The following UGT2A2 variants were observed in gnomAD, a reference collection of about 807,000 sequenced individuals.
UGT2A2 encodes UDP-glucuronosyltransferase 2A2.
A neutral mutation model predicts 50.7 loss-of-function variants in UGT2A2; 60 were observed. That is an observed-to-expected ratio of 1.18 (90% CI 0.96 to 1.47). The LOEUF is 1.47. UGT2A2 is among the 40% of genes most tolerant of loss of function. UGT2A2 has a pLI of 0.00. For missense variants in UGT2A2, 762 were observed against 634.0 expected (o/e 1.20, Z -2.17); for synonymous variants, 242 against 214.6 (o/e 1.13, Z -1.11).
intron 5 of UGT2A2, among the ~76,000 whole-genome samples, chr4:69,594,077 C>G (rs1718759764): frequency 1.3e-5 from 2 of 151,272 alleles, no homozygotes; most frequent in Admixed American, 6.6e-5. Flanking sequence ...CGGGTTCACG[C>G]CATTCTCCTG....
chr4:69,628,629 G>T (rs923515733), intron 1 of UGT2A2, among the ~76,000 whole-genome samples: 1 of 150,182 alleles, frequency 6.7e-6, no homozygotes, highest in Non-Finnish European at 1.5e-5. Context: ...TTAGAAAACA[G>T]AACTTTTTTG....
At position 69,637,235 on chromosome 4, in the gene UGT2A2, A is replaced by G. The variant is rs905680260; in HGVS notation, c.742+1664T>C. 4.6e-5 allele frequency among the ~76,000 whole-genome samples: 7 copies of G among 152,188 alleles called. No homozygotes were observed. The East Asian group carries it at 1.3e-3, about 29-fold the overall frequency. ...GAACTATACTTGTAAAATTTTAGTT[A>G]TAGCATCTTCAAAAATAAACTCAAA... On this transcript the variant is annotated intron_variant, in intron 1 of 5. Transcript: ENST00000604629.
intron 5 of UGT2A2, among the ~76,000 whole-genome samples, chr4:69,590,154 G>A (rs566489491): frequency 1.1e-4 from 16 of 152,310 alleles, no homozygotes; most frequent in African/African-American, 3.8e-4. Flanking sequence ...GCACACATCT[G>A]TATGTTTGTG....
intron 1 of UGT2A2, among the ~76,000 whole-genome samples, chr4:69,616,748 T>A (rs1034733587): frequency 6.6e-6 from 1 of 151,602 alleles, no homozygotes; most frequent in Non-Finnish European, 1.5e-5. Context: ...CTATAAATCC[T>A]CCATTTAGTT....
intron 1 of UGT2A2, among the ~76,000 whole-genome samples, chr4:69,617,659 A>G (rs1409721138): frequency 6.6e-6 from 1 of 151,826 alleles, no homozygotes; most frequent in African/African-American, 2.4e-5. Flanking sequence ...TTTCATTAGC[A>G]ACATACAGGG....
intron 5 of UGT2A2, among the ~76,000 whole-genome samples, chr4:69,591,332 A>G (rs1035861476): frequency 1.3e-5 from 2 of 152,202 alleles, no homozygotes; most frequent in African/African-American, 4.8e-5. Context: ...TTTGGTTTAG[A>G]AAGGTGGGAC....
chr4:69,608,085 A>T (rs1577962607), intron 1 of UGT2A2, among the ~76,000 whole-genome samples: 1 of 152,300 alleles, frequency 6.6e-6, no homozygotes, highest in South Asian at 2.1e-4. Flanking sequence ...TACCCAAAGG[A>T]TCATAAATCA....
intron 2 of UGT2A2, 60 bp downstream of exon 2, chr4:69,599,185 TA>T (rs762725764): frequency 2.2e-4 from 339 of 1,520,652 alleles, no homozygotes; most frequent in Non-Finnish European, 2.8e-4. Flanking sequence ...CTATAAACTT[TA>T]AAAGAAAATT....
At chr4:69,633,486 T>C (rs965906134) in intron 1 of UGT2A2, among the ~76,000 whole-genome samples, 2 of 152,110 alleles carry the variant, frequency 1.3e-5, no homozygotes, top group Non-Finnish European at 2.9e-5. Flanking sequence ...TCACCAATAT[T>C]AGGTACAAGA....
At chr4:69,609,549 A>G (rs987627689) in intron 1 of UGT2A2, among the ~76,000 whole-genome samples, 1 of 152,146 alleles carries the variant, frequency 6.6e-6, no homozygotes, top group Non-Finnish European at 1.5e-5. Context: ...ACAACTGTTA[A>G]TAAAAGTCAG....
chr4:69,632,310 G>A (rs1358968250), intron 1 of UGT2A2, among the ~76,000 whole-genome samples: 1 of 152,100 alleles, frequency 6.6e-6, no homozygotes. Flanking sequence ...GGGTTAATAA[G>A]GGGTCTGCAT....
chr4:69,599,287 C>A lies in UGT2A2; in HGVS notation c.850G>T (p.Val284Phe), dbSNP rs147574641. 5.0e-6 allele frequency: 8 copies of A among 1,613,820 alleles called. No homozygotes were observed. The African/African-American group carries it at 1.1e-4, about 22-fold the overall frequency. The part of the protein sequence containing the change: ...PRPYLPNFEF[V>F]GGLHCKPAKP... ...GCAGGTTTGCAGTGCAATCCTCCAA[C>A]AAACTCAAAATTAGGTAAGTATGGA... is the stretch of plus-strand genomic sequence containing the variant. Residue 284 changes from valine (V) to phenylalanine (F), a missense_variant, in exon 2 of 6, where the codon GTT becomes TTT. Coordinates refer to ENST00000604629, the MANE Select transcript of UGT2A2 (RefSeq NM_001105677.2).
intron 1 of UGT2A2, among the ~76,000 whole-genome samples, chr4:69,622,023 G>A (rs866763555): frequency 6.6e-5 from 10 of 151,770 alleles, no homozygotes; most frequent in African/African-American, 2.4e-4. Flanking sequence ...GATGGTGGAA[G>A]GAGGAAGAGG....
intron 1 of UGT2A2, among the ~76,000 whole-genome samples, chr4:69,634,649 G>A (rs1188114423): frequency 2.0e-5 from 3 of 151,698 alleles, no homozygotes; most frequent in Non-Finnish European, 4.4e-5. Flanking sequence ...CCATATTGGC[G>A]GAACAAAGAG....
At chr4:69,595,774 G>C (rs1312920179) in intron 3 of UGT2A2, among the ~76,000 whole-genome samples, 2 of 152,104 alleles carry the variant, frequency 1.3e-5, no homozygotes, top group Non-Finnish European at 2.9e-5. Context: ...ACTTAGAAAG[G>C]CTAAGTGAAT....
rs891957762 is a variant in UGT2A2, at chr4:69,608,362, T to C, written c.743-8968A>G. Among the ~76,000 whole-genome samples the C allele has an allele frequency of 4.3e-5, 6 of 140,518 alleles. No homozygotes were observed. In the Admixed American group the frequency reaches 4.9e-4, roughly 12 times the overall value. The allele number at this position is 140,518 out of a possible 152,430, so 92.2% of individuals were successfully genotyped here. ...GCATGTTCTCACTCATAGGAGGGAA[T>C]TGAACAATGAGAACATATGGACACA... On this transcript the variant is annotated intron_variant, in intron 1 of 5. Transcript: ENST00000604629.
chr4:69,593,733 G>A (rs1438973438), intron 5 of UGT2A2, among the ~76,000 whole-genome samples: 1 of 151,482 alleles, frequency 6.6e-6, no homozygotes, highest in African/African-American at 2.4e-5. Context: ...CTCTCTGTGT[G>A]TATACATATA....
intron 1 of UGT2A2, among the ~76,000 whole-genome samples, chr4:69,632,803 G>A (rs1308227033): frequency 6.6e-6 from 1 of 151,442 alleles, no homozygotes; most frequent in South Asian, 2.1e-4. Flanking sequence ...CAGGAAAATC[G>A]CTTGAACCCA....
rs753461414 is a variant in UGT2A2, at chr4:69,606,265, C to G, written c.743-6871G>C. Among the ~76,000 whole-genome samples the G allele has an allele frequency of 1.5e-4, 21 of 136,388 alleles. 5 individuals carry two copies. Among genetic ancestry groups the G allele is most frequent in the Non-Finnish European group, 3.1e-4 (20 of 64,290 alleles). The allele number at this position is 136,388 out of a possible 152,430, so 89.5% of individuals were successfully genotyped here. A position where few individuals can be genotyped will look rare whatever the true frequency, so the allele number is the denominator to read the frequency against. Reference sequence around the variant, plus strand: ...TCATCCCTGGGACGCAAGGCTGGGTCAACATACGCAAATCAACAAACGTAA... The same window carrying G: ...TCATCCCTGGGACGCAAGGCTGGGTGAACATACGCAAATCAACAAACGTAA... On this transcript the variant is annotated intron_variant, in intron 1 of 5. Transcript: ENST00000604629.
Sources: allele counts gnomAD v4.1 joint callset (sites outside exome capture counted in the v4.1 genomes callset), GRCh38; gene constraint gnomAD v4.1.1; transcripts MANE v1.5; gene names NCBI Gene and HGNC (gene_info 2026-07-23, HGNC 2026-07-21).